The following RASEF variants were observed in gnomAD, a reference collection of about 807,000 sequenced individuals.
RASEF encodes the protein ras and EF-hand domain-containing protein.
RASEF carries 68 observed loss-of-function variants against 90.1 expected under a neutral mutation model. The observed-to-expected ratio is 0.75, with a 90% confidence interval of 0.62 to 0.92. The LOEUF is 0.92. RASEF is among the 40% of genes least tolerant of loss of function. The pLI is 0.00. For missense variants in RASEF, 949 were observed against 937.2 expected, an observed-to-expected ratio of 1.01 and a Z score of -0.16; for synonymous variants, 331 against 345.2, an observed-to-expected ratio of 0.96 and a Z score of 0.46.
chr9:83,144,370 A>AGGAAGGAAG, the RASEF span, among the ~76,000 whole-genome samples: 2 of 60,944 alleles, frequency 3.3e-5, no homozygotes, highest in Admixed American at 1.6e-4. Flanking sequence ...AAAGAAAGAA[A>AGGAAGGAAG]GAAAGAAAGA....
chr9:82,996,213 A>C (rs899095915), intron 14 of RASEF, among the ~76,000 whole-genome samples: 1 of 152,222 alleles, frequency 6.6e-6, no homozygotes, highest in African/African-American at 2.4e-5. Flanking sequence ...CCACTACTGC[A>C]ATTTAATGCC....
the RASEF span, among the ~76,000 whole-genome samples, chr9:83,172,962 T>C: frequency 3.9e-5 from 6 of 151,998 alleles, no homozygotes; most frequent in Non-Finnish European, 8.8e-5. Context: ...CTTTTGTTTG[T>C]CTGGGAAAGT....
At chr9:83,136,433 G>A in the RASEF span, among the ~76,000 whole-genome samples, 6 of 152,220 alleles carry the variant, frequency 3.9e-5, no homozygotes, top group East Asian at 1.2e-3. Flanking sequence ...ACCATTTAAT[G>A]TGTACATATG....
chr9:83,087,405 T>TCTCTCTCTC, the RASEF span, among the ~76,000 whole-genome samples: 4 of 115,530 alleles, frequency 3.5e-5, no homozygotes, highest in Non-Finnish European at 3.6e-5. Flanking sequence ...TTCTCATTCA[T>TCTCTCTCTC]TCTCTCTCTC....
the RASEF span, among the ~76,000 whole-genome samples, chr9:83,208,668 C>G: frequency 3.9e-5 from 6 of 152,160 alleles, no homozygotes; most frequent in Non-Finnish European, 8.8e-5. Flanking sequence ...TCATTCCTAA[C>G]TGTAGTTTCT....
the RASEF span, among the ~76,000 whole-genome samples, chr9:83,136,950 C>T: frequency 6.6e-6 from 1 of 151,810 alleles, no homozygotes; most frequent in African/African-American, 2.4e-5. Context: ...ATTTTTTTTA[C>T]TTCTTCAAAA....
chr9:83,159,831 T>C, the RASEF span, among the ~76,000 whole-genome samples: 2 of 152,202 alleles, frequency 1.3e-5, no homozygotes, highest in Non-Finnish European at 2.9e-5. Context: ...TCCCATGTAT[T>C]GTGGGAGAAA....
At position 82,982,789 on chromosome 9, in the gene RASEF, CAGAGATAGAGAGAGACAGAG is replaced by C. The variant is rs752005317; in HGVS notation, c.2118-27_2118-8del. 2.1e-6 allele frequency: 3 copies of C among 1,445,112 alleles called. No homozygotes were observed. The highest frequency in any genetic ancestry group is 1.7e-5 in the Admixed American group (1 of 57,556). 89.5% of individuals were successfully genotyped at this position (1,445,112 alleles called of 1,614,324 possible). A position where few individuals can be genotyped will look rare whatever the true frequency, so the allele number is the denominator to read the frequency against. ...AGTTCTCTTTTTCACTTCTCTGAGACAGAGATAGAGAGAGACAGAGAGAGAGAGAGAGAGAGAGAGAGAGG... is the reference window on the plus strand; with the variant it reads ...AGTTCTCTTTTTCACTTCTCTGAGACAGAGAGAGAGAGAGAGAGAGAGAGG... On this transcript the variant is annotated splice_region_variant and splice_polypyrimidine_tract_variant and intron_variant, in intron 16 of 16. Coordinates refer to ENST00000376447, the MANE Select transcript of RASEF (RefSeq NM_152573.4).
the RASEF span, among the ~76,000 whole-genome samples, chr9:83,159,185 CAAAAA>C: frequency 2.9e-5 from 3 of 103,314 alleles, no homozygotes; most frequent in Admixed American, 9.6e-5. Context: ...GACTCCGTCT[CAAAAA>C]AAAAAAAAAA....
upstream of RASEF, among the ~76,000 whole-genome samples, chr9:83,065,552 T>G (rs557407203): frequency 1.2e-4 from 18 of 152,290 alleles, 1 homozygote; most frequent in South Asian, 3.5e-3. Flanking sequence ...GCAAGTCACA[T>G]GGCCAAGCCC....
intron 5 of RASEF, among the ~76,000 whole-genome samples, chr9:83,010,362 GT>G (rs1488528281): frequency 6.6e-6 from 1 of 152,116 alleles, no homozygotes; most frequent in African/African-American, 2.4e-5. Flanking sequence ...ACCAATAACA[GT>G]TAAAAGAATG....
chr9:83,164,286 A>G, the RASEF span, among the ~76,000 whole-genome samples: 19 of 149,032 alleles, frequency 1.3e-4, no homozygotes, highest in Admixed American at 1.1e-3. Context: ...CTAACAGATA[A>G]TAGTCCGTTC....
At chr9:83,071,840 T>G in the RASEF span, among the ~76,000 whole-genome samples, 1 of 152,176 alleles carries the variant, frequency 6.6e-6, no homozygotes, top group African/African-American at 2.4e-5. Context: ...GCCTCAGGGT[T>G]TTAAGGATGA....
At chr9:83,022,120 A>T (rs1285591429) in intron 3 of RASEF, among the ~76,000 whole-genome samples, 2 of 151,954 alleles carry the variant, frequency 1.3e-5, no homozygotes, top group Non-Finnish European at 2.9e-5. Context: ...TGCACTTGTC[A>T]CTATCTGAAC....
intron 16 of RASEF, among the ~76,000 whole-genome samples, chr9:82,988,929 T>C (rs1369984768): frequency 6.6e-6 from 1 of 152,204 alleles, no homozygotes; most frequent in East Asian, 1.9e-4. Context: ...TAGCACTGTT[T>C]TTGCTTTAAA....
upstream of RASEF, among the ~76,000 whole-genome samples, chr9:83,068,115 G>A (rs965879087): frequency 2.0e-5 from 3 of 152,134 alleles, no homozygotes; most frequent in Non-Finnish European, 2.9e-5. Context: ...CTGGAGATCC[G>A]CCTGACTCGG....
At chr9:83,035,525 C>T (rs1829724953) in intron 1 of RASEF, among the ~76,000 whole-genome samples, 2 of 152,150 alleles carry the variant, frequency 1.3e-5, no homozygotes, top group African/African-American at 4.8e-5. Context: ...ATTCTGTTGA[C>T]ATTACAGTAT....
the RASEF span, among the ~76,000 whole-genome samples, chr9:83,091,833 G>T: frequency 6.6e-6 from 1 of 151,970 alleles, no homozygotes; most frequent in African/African-American, 2.4e-5. Flanking sequence ...CTTTGGGAAT[G>T]AATTGTTTAC....
the RASEF span, among the ~76,000 whole-genome samples, chr9:83,185,166 TA>T: frequency 3.3e-5 from 5 of 152,084 alleles, no homozygotes; most frequent in African/African-American, 1.2e-4. Context: ...TTTTTATCAT[TA>T]TTTTTAATGA....
Sources: gnomAD v4.1 joint callset for allele counts (sites outside exome capture counted in the v4.1 genomes callset) on GRCh38, gnomAD v4.1.1 for gene constraint, MANE v1.5 for transcripts, NCBI Gene and HGNC (gene_info 2026-07-23, HGNC 2026-07-21) for gene names.